Variants in CNTN5 observed in about 807,000 individuals in gnomAD.
The protein encoded by CNTN5 is contactin 5.
Under a neutral mutation model 129.1 loss-of-function variants are expected in CNTN5, and 77 were observed. The observed-to-expected ratio is 0.60, with a 90% CI of 0.50 to 0.72. The LOEUF is 0.72. CNTN5 is among the 30% of genes least tolerant of loss of function. The pLI, the probability that CNTN5 is intolerant of heterozygous loss-of-function variation, is 0.00. For synonymous variants in CNTN5, 509 were observed against 465.6 expected, an observed-to-expected ratio of 1.09 and a Z score of -1.20; for missense variants, 1,478 against 1,328.8, an observed-to-expected ratio of 1.11 and a Z score of -1.75.
chr11:100,155,152 AGGTCTAACATTT>A (rs1349784482), intron 13 of CNTN5, among the ~76,000 whole-genome samples: 2 of 152,144 alleles, frequency 1.3e-5, no homozygotes, highest in Non-Finnish European at 2.9e-5. Flanking sequence ...TCATGGTTTT[AGGTCTAACATTT>A]AAGTCTTTAA....
intron 1 of CNTN5, among the ~76,000 whole-genome samples, chr11:99,267,550 G>T (rs944907653): frequency 6.6e-6 from 1 of 151,886 alleles, no homozygotes; most frequent in Non-Finnish European, 1.5e-5. Context: ...TAGGAGCCTT[G>T]TTAGTTTAAT....
chr11:99,061,657 C>A (rs1293331026), intron 1 of CNTN5, among the ~76,000 whole-genome samples: 2 of 152,048 alleles, frequency 1.3e-5, no homozygotes, highest in African/African-American at 4.8e-5. Context: ...GATGTGAGGA[C>A]AATTTTCAGT....
intron 10 of CNTN5, among the ~76,000 whole-genome samples, chr11:100,064,897 T>C (rs12291466): frequency 0.068 from 10,304 of 152,124 alleles, 466 homozygotes; most frequent in East Asian, 0.19. Flanking sequence ...TTTAAGCAGT[T>C]TTATAAGGAG....
At chr11:99,487,562 T>C (rs1945866034) in intron 2 of CNTN5, among the ~76,000 whole-genome samples, 1 of 152,230 alleles carries the variant, frequency 6.6e-6, no homozygotes, top group Non-Finnish European at 1.5e-5. Flanking sequence ...GTAATAGTCT[T>C]TGATGAAAAC....
In CNTN5 at chr11:99,599,233, T is replaced by C. The variant is rs138862932; in HGVS notation, c.55+42964T>C. Among the ~76,000 whole-genome samples the C allele has an allele frequency of 7.9e-5, 12 of 152,126 alleles. No individual in the cohort carries two copies. The East Asian group carries it at 2.1e-3, about 27-fold the overall frequency. On this transcript the variant is annotated intron_variant, in intron 3 of 24. Transcript: ENST00000524871. ...TCTACATTCTGAGGCATTGAGGAAA[T>C]TGGATTTTATAAAATAACTACAATA...
chr11:99,991,354 C>G (rs1939084311), intron 8 of CNTN5, among the ~76,000 whole-genome samples: 1 of 149,728 alleles, frequency 6.7e-6, no homozygotes, highest in South Asian at 2.1e-4. Flanking sequence ...GTAGTTCCAG[C>G]TACTCGGGAG....
At chr11:99,635,808 T>C (rs676086) in intron 3 of CNTN5, among the ~76,000 whole-genome samples, 91,505 of 151,758 alleles carry the variant, frequency 0.6, 28,425 homozygotes, top group Admixed American at 0.69. Context: ...CAAGCTGGCA[T>C]TTGGGGGTTC....
intron 1 of CNTN5, among the ~76,000 whole-genome samples, chr11:99,205,121 C>T (rs1309083784): frequency 5.9e-5 from 9 of 151,426 alleles, no homozygotes; most frequent in Admixed American, 5.9e-4. Flanking sequence ...CACTTTGCTT[C>T]TTTAGAATTG....
intron 2 of CNTN5, among the ~76,000 whole-genome samples, chr11:99,326,681 C>T (rs1013205103): frequency 6.6e-6 from 1 of 152,052 alleles, no homozygotes; most frequent in Non-Finnish European, 1.5e-5. Context: ...ATTGCAGGCC[C>T]TAACTGTACC....
intron 6 of CNTN5, among the ~76,000 whole-genome samples, chr11:99,845,931 A>G (rs1476405201): frequency 1.3e-5 from 2 of 152,106 alleles, no homozygotes; most frequent in African/African-American, 4.8e-5. Flanking sequence ...TAAGATATCT[A>G]TAATTCTACT....
At chr11:99,028,855 A>G (rs995219785) in intron 1 of CNTN5, among the ~76,000 whole-genome samples, 10 of 151,912 alleles carry the variant, frequency 6.6e-5, no homozygotes, top group African/African-American at 2.4e-4. Context: ...TATGAAGCCA[A>G]TGAAGCTTTG....
chr11:99,221,356 A>G (rs1860388256), intron 1 of CNTN5, among the ~76,000 whole-genome samples: 1 of 151,980 alleles, frequency 6.6e-6, no homozygotes, highest in African/African-American at 2.4e-5. Context: ...ATGAAAAATT[A>G]TTTTCCTTTA....
intron 3 of CNTN5, among the ~76,000 whole-genome samples, chr11:99,616,289 T>G (rs1950759077): frequency 6.6e-6 from 1 of 152,152 alleles, no homozygotes; most frequent in South Asian, 2.1e-4. Flanking sequence ...TCATTAAGAA[T>G]AATAATAGTC....
At chr11:100,245,327 C>T (rs556415821) in intron 16 of CNTN5, among the ~76,000 whole-genome samples, 2 of 152,234 alleles carry the variant, frequency 1.3e-5, no homozygotes, top group African/African-American at 4.8e-5. Flanking sequence ...TACAAACTTG[C>T]ATCGAACCAT....
intron 3 of CNTN5, among the ~76,000 whole-genome samples, chr11:99,782,973 C>T (rs1234384061): frequency 6.6e-6 from 1 of 151,646 alleles, no homozygotes; most frequent in Non-Finnish European, 1.5e-5. Context: ...ACAAAATTGA[C>T]AAATGGGATC....
intron 3 of CNTN5, among the ~76,000 whole-genome samples, chr11:99,714,880 A>C (rs951840415): frequency 6.7e-6 from 1 of 149,920 alleles, no homozygotes; most frequent in Admixed American, 6.7e-5. Context: ...GAAGCTGTCT[A>C]ACTTCTAGAG....
intron 6 of CNTN5, among the ~76,000 whole-genome samples, chr11:99,902,444 C>G (rs1038399524): frequency 6.6e-6 from 1 of 151,996 alleles, no homozygotes; most frequent in African/African-American, 2.4e-5. Flanking sequence ...GGATGCCCTT[C>G]AGTAATGTGA....
intron 2 of CNTN5, among the ~76,000 whole-genome samples, chr11:99,394,500 T>C (rs1402273966): frequency 6.6e-6 from 1 of 150,978 alleles, no homozygotes; most frequent in Non-Finnish European, 1.5e-5. Flanking sequence ...TATGAGAAAC[T>C]ATTATATAAT....
chr11:100,002,141 G>C lies in CNTN5; in HGVS notation c.980+5G>C, dbSNP rs370624134. On this transcript the variant is annotated splice_donor_5th_base_variant and intron_variant, in intron 9 of 24. Transcript: ENST00000524871. ...GGAATGCTTTGCACTTGGCAAGTAA[G>C]TACATGTTCTTCCATAATTAAACAC... 3 of 1,509,062 alleles carry C rather than the reference G, an allele frequency of 2.0e-6. No individual in the cohort carries two copies. The highest frequency in any genetic ancestry group is 1.8e-6 in the Non-Finnish European group (2 of 1,129,128). The allele number at this position is 1,509,062 out of a possible 1,614,324, so 93.5% of individuals were successfully genotyped here.
Sources: allele counts gnomAD v4.1 joint callset (sites outside exome capture counted in the v4.1 genomes callset), GRCh38; gene constraint gnomAD v4.1.1; transcripts MANE v1.5; gene names NCBI Gene and HGNC (gene_info 2026-07-23, HGNC 2026-07-21).